The following UBE2H variants were observed in gnomAD, a reference collection of about 807,000 sequenced individuals.
The protein encoded by UBE2H is ubiquitin conjugating enzyme E2 H.
UBE2H carries 3 observed loss-of-function variants against 29.0 expected under a neutral mutation model. The observed-to-expected ratio is 0.10, with a 90% CI of 0.05 to 0.27. The LOEUF (loss-of-function observed/expected upper bound fraction) is 0.27, where lower values mean the gene tolerates loss of function less well. UBE2H is among the 10% of genes least tolerant of loss of function. The pLI is 1.00. For missense variants in UBE2H, 68 were observed against 228.2 expected, an observed-to-expected ratio of 0.30 and a Z score of 4.52; for synonymous variants, 69 against 82.9, an observed-to-expected ratio of 0.83 and a Z score of 0.91.
At chr7:129,924,260 G>A (rs1329064521) in intron 1 of UBE2H, among the ~76,000 whole-genome samples, 1 of 152,132 alleles carries the variant, frequency 6.6e-6, no homozygotes, top group Non-Finnish European at 1.5e-5. Context: ...TAATTCCAGG[G>A]ATCCATTTCT....
intron 5 of UBE2H, among the ~76,000 whole-genome samples, chr7:129,850,814 C>CA (rs796732590): frequency 2.0e-5 from 2 of 101,854 alleles, no homozygotes; most frequent in Admixed American, 1.5e-4. Context: ...GACTCTGTCT[C>CA]AAAAAAGAAA....
chr7:129,930,268 TCTC>T (rs1239138170), intron 1 of UBE2H, among the ~76,000 whole-genome samples: 1 of 151,992 alleles, frequency 6.6e-6, no homozygotes, highest in Non-Finnish European at 1.5e-5. Context: ...TTCAAGTAAT[TCTC>T]CTGCCTCAGC....
intron 5 of UBE2H, among the ~76,000 whole-genome samples, chr7:129,852,661 T>C (rs192773046): frequency 1.1e-3 from 167 of 152,052 alleles, no homozygotes; most frequent in African/African-American, 3.6e-3. Context: ...ACCCTAAGAG[T>C]GAAAATGTAA....
At chr7:129,904,386 C>A (rs1031435580) in intron 1 of UBE2H, among the ~76,000 whole-genome samples, 1 of 152,020 alleles carries the variant, frequency 6.6e-6, no homozygotes, top group African/African-American at 2.4e-5. Context: ...TTCCAAAGTG[C>A]TGGGATTAAC....
chr7:129,948,546 G>A (rs1343734398), intron 1 of UBE2H, among the ~76,000 whole-genome samples: 2 of 152,166 alleles, frequency 1.3e-5, no homozygotes, highest in Non-Finnish European at 2.9e-5. Flanking sequence ...GGTGCACTGG[G>A]CTCACACCTG....
At chr7:129,861,388 G>A (rs867382122) in intron 3 of UBE2H, among the ~76,000 whole-genome samples, 6 of 151,970 alleles carry the variant, frequency 3.9e-5, no homozygotes, top group South Asian at 2.1e-4. Context: ...TATTTTCTCC[G>A]CTGCACTTTT....
At chr7:129,947,502 T>C (rs1807789207) in intron 1 of UBE2H, among the ~76,000 whole-genome samples, 1 of 152,176 alleles carries the variant, frequency 6.6e-6, no homozygotes. Context: ...ACTACTAACT[T>C]AGGGATAGAG....
chr7:129,839,537 A>G (rs1805388782), intron 5 of UBE2H: 1 of 569,866 alleles, frequency 1.8e-6, no homozygotes, highest in East Asian at 4.3e-5. Flanking sequence ...TTGAAGAACG[A>G]GATAAAGATA....
chr7:129,849,095 T>C (rs1805562968), intron 5 of UBE2H, among the ~76,000 whole-genome samples: 1 of 151,066 alleles, frequency 6.6e-6, no homozygotes, highest in Non-Finnish European at 1.5e-5. Flanking sequence ...AAAAGAAGAG[T>C]AGTCAAAAAC....
chr7:129,848,462 A>G (rs1226355764), intron 5 of UBE2H, among the ~76,000 whole-genome samples: 1 of 152,206 alleles, frequency 6.6e-6, no homozygotes, highest in Non-Finnish European at 1.5e-5. Flanking sequence ...ACAGGAAAGG[A>G]AAGAAAAATC....
chr7:129,858,810 C>G (rs1805751378), intron 4 of UBE2H, 92 bp downstream of exon 4: 1 of 1,268,044 alleles, frequency 7.9e-7, no homozygotes, highest in Non-Finnish European at 1.1e-6. Context: ...TGATAAGGTC[C>G]AAAAAGATAA....
At chr7:129,839,766 A>T in intron 5 of UBE2H, 1 of 209,320 alleles carries the variant, frequency 4.8e-6, no homozygotes, top group Non-Finnish European at 9.4e-6. Context: ...GCTGGAGTGC[A>T]GTGGTGCAAT....
intron 5 of UBE2H, among the ~76,000 whole-genome samples, chr7:129,856,354 T>C (rs963999460): frequency 2.6e-5 from 4 of 152,188 alleles, no homozygotes; most frequent in Admixed American, 2.6e-4. Context: ...ACCTGTACCA[T>C]TCATTCTTTC....
intron 3 of UBE2H, among the ~76,000 whole-genome samples, chr7:129,863,808 GTTT>G (rs34701981): frequency 1.5e-5 from 2 of 136,030 alleles, no homozygotes; most frequent in Non-Finnish European, 1.6e-5. Context: ...AATACTAGGT[GTTT>G]TTTTTTTTTT....
intron 5 of UBE2H, among the ~76,000 whole-genome samples, chr7:129,841,737 T>A (rs1338242834): frequency 6.6e-6 from 1 of 152,126 alleles, no homozygotes. Context: ...CTATTTCACC[T>A]TCATAAGGCT....
At chr7:129,901,743 C>T (rs1313159823) in intron 1 of UBE2H, among the ~76,000 whole-genome samples, 14 of 152,000 alleles carry the variant, frequency 9.2e-5, no homozygotes, top group Admixed American at 8.5e-4. Context: ...TACAGGTGCC[C>T]GCCACCATGT....
chr7:129,948,960 C>G, intron 1 of UBE2H: 1 of 456,838 alleles, frequency 2.2e-6, no homozygotes, highest in South Asian at 1.6e-5. Flanking sequence ...GTCACATACT[C>G]CATCAGCTGT....
At chr7:129,900,609 T>C (rs1053000224) in intron 1 of UBE2H, among the ~76,000 whole-genome samples, 1 of 152,192 alleles carries the variant, frequency 6.6e-6, no homozygotes, top group Non-Finnish European at 1.5e-5. Flanking sequence ...AGAGATTATA[T>C]TATGACCATG....
intron 1 of UBE2H, among the ~76,000 whole-genome samples, chr7:129,922,825 G>A (rs118107294): frequency 0.062 from 9,494 of 152,162 alleles, 362 homozygotes; most frequent in Non-Finnish European, 0.091. Context: ...GGGCTTAAAC[G>A]ATCCTCCAGC....
Sources: gnomAD v4.1 joint callset for allele counts (sites outside exome capture counted in the v4.1 genomes callset) on GRCh38, gnomAD v4.1.1 for gene constraint, MANE v1.5 for transcripts, NCBI Gene and HGNC (gene_info 2026-07-23, HGNC 2026-07-21) for gene names.